FOCAD: variants seen among roughly 807,000 people sequenced by gnomAD.
FOCAD encodes the protein focadhesin.
In FOCAD, 198 loss-of-function variants were observed where a neutral mutation model predicts 225.6. That is an observed-to-expected ratio of 0.88 (90% CI 0.78 to 0.99). FOCAD has a LOEUF of 0.99. Ranked by LOEUF, FOCAD falls within the 50% of genes least tolerant of loss-of-function variation. The pLI is 0.00. For synonymous variants in FOCAD, 897 were observed against 755.0 expected (o/e 1.19, Z -3.08); for missense variants, 2,713 against 2,123.6 (o/e 1.28, Z -5.46).
At chr9:20,812,961 C>T (rs535525831) in intron 11 of FOCAD, among the ~76,000 whole-genome samples, 53 of 152,098 alleles carry the variant, frequency 3.5e-4, no homozygotes, top group African/African-American at 1.3e-3. Context: ...TACGGTGGAT[C>T]TCTAGAACTT....
chr9:20,949,031 T>A, intron 32 of FOCAD, 103 bp downstream of exon 32: 2 of 1,054,008 alleles, frequency 1.9e-6, no homozygotes, highest in Non-Finnish European at 2.9e-6. Context: ...GAAGGATTTA[T>A]GCTCATGGTA....
At chr9:20,680,778 A>G (rs1370248854), upstream of FOCAD, among the ~76,000 whole-genome samples, 2 of 152,080 alleles carry the variant, frequency 1.3e-5, no homozygotes, top group Non-Finnish European at 2.9e-5. Context: ...ACCAGCCTGG[A>G]CAGCATAGTG....
intron 10 of FOCAD, 49 bp downstream of exon 10, chr9:20,781,978 T>C (rs761756069): frequency 6.5e-7 from 1 of 1,549,116 alleles, no homozygotes; most frequent in South Asian, 1.1e-5. Flanking sequence ...GATGTGGGAT[T>C]TCGGTCTTTA....
intron 1 of FOCAD, among the ~76,000 whole-genome samples, chr9:20,695,786 T>A (rs944960894): frequency 2.6e-5 from 4 of 152,180 alleles, no homozygotes; most frequent in Non-Finnish European, 5.9e-5. Flanking sequence ...GGATTGGAAA[T>A]TGGATAGGAC....
intron 1 of FOCAD, among the ~76,000 whole-genome samples, chr9:20,690,867 G>T (rs550923172): frequency 6.6e-6 from 1 of 151,158 alleles, no homozygotes; most frequent in Non-Finnish European, 1.5e-5. Context: ...AAATCTAAAG[G>T]TCTGTTCCAA....
intron 5 of FOCAD, among the ~76,000 whole-genome samples, chr9:20,754,921 A>C (rs192193649): frequency 2.0e-5 from 3 of 152,318 alleles, no homozygotes; most frequent in East Asian, 3.9e-4. Flanking sequence ...CTAAGGCTTT[A>C]TGGATTATTT....
intron 5 of FOCAD, among the ~76,000 whole-genome samples, chr9:20,746,268 G>C (rs1999570): frequency 6.6e-6 from 1 of 151,894 alleles, no homozygotes; most frequent in Non-Finnish European, 1.5e-5. Flanking sequence ...GTGTTTCAGA[G>C]GAAGGAAAAG....
intron 11 of FOCAD, among the ~76,000 whole-genome samples, chr9:20,804,558 C>T (rs1028369920): frequency 6.6e-6 from 1 of 151,658 alleles, no homozygotes. Flanking sequence ...ACATGCTGTT[C>T]ATGAAAGACT....
intron 1 of FOCAD, among the ~76,000 whole-genome samples, chr9:20,698,205 A>T (rs1823537912): frequency 6.6e-6 from 1 of 152,238 alleles, no homozygotes; most frequent in Non-Finnish European, 1.5e-5. Flanking sequence ...CATTGTAAGA[A>T]CAAAATTAAA....
chr9:20,986,340 G>A lies in FOCAD; in HGVS notation c.4781G>A (p.Arg1594Gln), dbSNP rs780217856. The A allele has an allele frequency of 2.2e-5, 33 of 1,493,588 alleles. No homozygotes were observed. The highest frequency in any genetic ancestry group is 1.8e-4 in the South Asian group (16 of 89,632). The allele number at this position is 1,493,588 out of a possible 1,614,324, so 92.5% of individuals were successfully genotyped here. A position where few individuals can be genotyped will look rare whatever the true frequency, so the allele number is the denominator to read the frequency against. ...AAACTGTACTTAGTCTCTCAAGGACGATTCCCCTTGGTGAACCTGACCGAT... is the reference window on the plus strand; with the variant it reads ...AAACTGTACTTAGTCTCTCAAGGACAATTCCCCTTGGTGAACCTGACCGAT... The part of the protein sequence containing the change: ...FVKLYLVSQG[R>Q]FPLVNLTDML... Residue 1594 changes from arginine (R) to glutamine (Q), a missense_variant, in exon 40 of 44, where the codon CGA becomes CAA. By Grantham distance (43) the Arg-to-Gln change is conservative. Coordinates refer to ENST00000338382, the MANE Select transcript of FOCAD (RefSeq NM_001375567.1).
intron 4 of FOCAD, among the ~76,000 whole-genome samples, chr9:20,724,746 C>G (rs573437304): frequency 6.6e-6 from 1 of 151,834 alleles, no homozygotes; most frequent in South Asian, 2.1e-4. Context: ...AAAAAAAAAC[C>G]CCAACAAAAT....
intron 2 of FOCAD, among the ~76,000 whole-genome samples, chr9:20,676,109 G>A (rs1478191170): frequency 6.6e-6 from 1 of 152,194 alleles, no homozygotes; most frequent in Non-Finnish European, 1.5e-5. Context: ...TAAAGCTTGT[G>A]AAAATGTGAG....
chr9:20,815,158 A>G (rs1823587543), intron 11 of FOCAD, among the ~76,000 whole-genome samples: 1 of 41,558 alleles, frequency 2.4e-5, no homozygotes, highest in African/African-American at 9.3e-5. Flanking sequence ...TTTTTTTGAG[A>G]CAGTCTCGCT....
At chr9:20,895,459 T>C (rs1303787658) in intron 21 of FOCAD, among the ~76,000 whole-genome samples, 2 of 151,954 alleles carry the variant, frequency 1.3e-5, no homozygotes, top group Admixed American at 6.6e-5. Context: ...ACCTGGAATA[T>C]TTCTCTATTT....
intron 5 of FOCAD, among the ~76,000 whole-genome samples, chr9:20,745,560 T>C (rs999341600): frequency 6.6e-6 from 1 of 152,222 alleles, no homozygotes; most frequent in Non-Finnish European, 1.5e-5. Flanking sequence ...AATTTTATCA[T>C]GTGCTTTTGC....
At chr9:20,993,138 A>T in intron 42 of FOCAD, 115 bp from the exon 43 acceptor site, 1 of 742,972 alleles carries the variant, frequency 1.3e-6, no homozygotes, top group Non-Finnish European at 2.3e-6. Context: ...AATCCCAGCT[A>T]CTGGGGAGGC....
intron 15 of FOCAD, among the ~76,000 whole-genome samples, chr9:20,852,459 G>T (rs1827754275): frequency 6.6e-6 from 1 of 151,154 alleles, no homozygotes; most frequent in Admixed American, 6.6e-5. Flanking sequence ...CCCCAGATCT[G>T]TGGATACATA....
Position 20,660,813 on chromosome 9 carries a change from G to C in FOCAD, c.-78+1987G>C, listed in dbSNP as rs111913152. Among the ~76,000 whole-genome samples the C allele has an allele frequency of 2.0e-3, 310 of 152,162 alleles. 4 individuals are homozygous for C. The highest frequency in any genetic ancestry group is 7.2e-3 in the African/African-American group (297 of 41,466). Reference sequence around the variant, plus strand: ...AAGTCAGATCATAGTGACTGGAGAAGTTAGAAAAAGAGCATACAGAAATAA... The same window carrying C: ...AAGTCAGATCATAGTGACTGGAGAACTTAGAAAAAGAGCATACAGAAATAA... On this transcript the variant is annotated intron_variant, in intron 2 of 45. Coordinates refer to the FOCAD transcript ENST00000380249.
intron 35 of FOCAD, among the ~76,000 whole-genome samples, chr9:20,975,194 GCCT>G (rs1840123527): frequency 6.6e-6 from 1 of 151,874 alleles, no homozygotes; most frequent in Non-Finnish European, 1.5e-5. Context: ...ACTATTTCTG[GCCT>G]CCTCGTAGTT....
Sources: gnomAD v4.1 joint callset for allele counts (sites outside exome capture counted in the v4.1 genomes callset) on GRCh38, gnomAD v4.1.1 for gene constraint, MANE v1.5 for transcripts, NCBI Gene and HGNC (gene_info 2026-07-23, HGNC 2026-07-21) for gene names.